Variants in ATRNL1 observed in about 807,000 individuals in gnomAD.
The protein encoded by ATRNL1 is attractin like 1, also known as attractin-like protein 1.
A neutral mutation model predicts 182.7 loss-of-function variants in ATRNL1; 95 were observed. That is an observed-to-expected ratio of 0.52 (90% CI 0.44 to 0.62). The LOEUF (loss-of-function observed/expected upper bound fraction) is 0.62. ATRNL1 is among the 20% of genes least tolerant of loss of function. The pLI is 0.00. For synonymous variants in ATRNL1, 576 were observed against 568.3 expected, an observed-to-expected ratio of 1.01 and a Z score of -0.19; for missense variants, 1,471 against 1,679.5, an observed-to-expected ratio of 0.88 and a Z score of 2.17.
intron 28 of ATRNL1, among the ~76,000 whole-genome samples, chr10:115,864,748 C>T (rs1321996358): frequency 6.6e-6 from 1 of 151,960 alleles, no homozygotes; most frequent in East Asian, 1.9e-4. Context: ...TTTGGGAGGC[C>T]GAGGTGGGCG....
chr10:115,905,371 C>G (rs1393172342), intron 28 of ATRNL1, among the ~76,000 whole-genome samples: 1 of 150,064 alleles, frequency 6.7e-6, no homozygotes, highest in East Asian at 1.9e-4. Flanking sequence ...TATGCCTATA[C>G]CACCACACCC....
intron 27 of ATRNL1, among the ~76,000 whole-genome samples, chr10:115,792,989 T>C (rs1949565696): frequency 1.3e-5 from 2 of 152,066 alleles, no homozygotes; most frequent in African/African-American, 4.8e-5. Context: ...AAGTAGTATT[T>C]GGAAGAATAC....
At chr10:115,761,687 A>G (rs1948737810) in intron 27 of ATRNL1, among the ~76,000 whole-genome samples, 1 of 152,190 alleles carries the variant, frequency 6.6e-6, no homozygotes, top group Admixed American at 6.5e-5. Flanking sequence ...GTGGTGTGTT[A>G]GAATAAACTT....
chr10:115,234,978 T>C (rs1850118986), intron 9 of ATRNL1, among the ~76,000 whole-genome samples: 1 of 152,182 alleles, frequency 6.6e-6, no homozygotes, highest in Non-Finnish European at 1.5e-5. Flanking sequence ...ACTTTTTTCC[T>C]TACTGAGTTT....
chr10:115,931,519 T>C (rs1275940716), intron 28 of ATRNL1, among the ~76,000 whole-genome samples: 1 of 152,164 alleles, frequency 6.6e-6, no homozygotes, highest in Non-Finnish European at 1.5e-5. Flanking sequence ...ATTTGAAAAC[T>C]CTTTACAGAA....
intron 1 of ATRNL1, 120 bp from the exon 2 acceptor site, chr10:115,120,065 T>G (rs1468087668): frequency 3.4e-6 from 2 of 594,562 alleles, no homozygotes; most frequent in Non-Finnish European, 5.8e-6. Flanking sequence ...TAAATCCTCC[T>G]TTTTGAAAAT....
chr10:115,917,704 C>T (rs1447974053), intron 28 of ATRNL1, among the ~76,000 whole-genome samples: 6 of 152,024 alleles, frequency 3.9e-5, no homozygotes, highest in Non-Finnish European at 5.9e-5. Context: ...GTTTACTTTT[C>T]TCAGATATTG....
chr10:115,135,614 G>A (rs1019936540), intron 5 of ATRNL1, among the ~76,000 whole-genome samples: 3 of 152,152 alleles, frequency 2.0e-5, no homozygotes, highest in African/African-American at 7.2e-5. Flanking sequence ...TACTGCCCAA[G>A]GTAATTTATA....
intron 28 of ATRNL1, among the ~76,000 whole-genome samples, chr10:115,883,130 GC>G (rs1424252851): frequency 6.6e-6 from 1 of 152,152 alleles, no homozygotes; most frequent in Non-Finnish European, 1.5e-5. Context: ...TGGTAGGAGT[GC>G]ATCTTCTGGA....
At chr10:115,743,262 T>C (rs950061225) in intron 27 of ATRNL1, among the ~76,000 whole-genome samples, 16 of 112,694 alleles carry the variant, frequency 1.4e-4, no homozygotes, top group Non-Finnish European at 2.8e-4. Flanking sequence ...AAAATACAAC[T>C]CTTCTATATA....
chr10:115,828,364 G>A (rs756755934), intron 27 of ATRNL1, among the ~76,000 whole-genome samples: 1 of 152,156 alleles, frequency 6.6e-6, no homozygotes. Flanking sequence ...CAAGCCTGAT[G>A]CAAGGCTTGG....
chr10:115,662,656 T>C (rs1860766664), intron 26 of ATRNL1, among the ~76,000 whole-genome samples: 1 of 152,164 alleles, frequency 6.6e-6, no homozygotes, highest in Non-Finnish European at 1.5e-5. Flanking sequence ...TGAATTTATA[T>C]GATATCCCTC....
At chr10:115,184,450 ATAAC>A (rs1461484062) in intron 8 of ATRNL1, among the ~76,000 whole-genome samples, 22 of 151,666 alleles carry the variant, frequency 1.5e-4, no homozygotes, top group African/African-American at 5.3e-4. Flanking sequence ...ACACAACTAT[ATAAC>A]TATGAAGTAG....
At chr10:115,895,971 G>A (rs948660376) in intron 28 of ATRNL1, among the ~76,000 whole-genome samples, 3 of 152,170 alleles carry the variant, frequency 2.0e-5, no homozygotes. Context: ...CTACCAGGTG[G>A]ATGAGGTTGC....
Position 115,100,817 on chromosome 10 carries a change from C to A in ATRNL1, c.293+6774C>A, listed in dbSNP as rs78791133. On this transcript the variant is annotated intron_variant, in intron 1 of 28. Coordinates refer to ENST00000355044, the MANE Select transcript of ATRNL1 (RefSeq NM_207303.4). ...TTGTAATTATGTTGAGTCTATAGAT[C>A]AATTTTGGGGAAAATGAATACCTTG... Among the ~76,000 whole-genome samples the A allele has an allele frequency of 8.6e-3, 1,309 of 152,254 alleles. 18 individuals are homozygous for A. The highest frequency in any genetic ancestry group is 0.028 in the African/African-American group (1,164 of 41,562).
intron 26 of ATRNL1, among the ~76,000 whole-genome samples, chr10:115,599,778 C>T (rs540020946): frequency 5.3e-5 from 8 of 152,168 alleles, no homozygotes; most frequent in South Asian, 4.2e-4. Context: ...GTCTACACTA[C>T]GAAAACTGTC....
intron 8 of ATRNL1, among the ~76,000 whole-genome samples, chr10:115,205,622 CTAT>C (rs781902490): frequency 3.0e-4 from 46 of 151,658 alleles, no homozygotes; most frequent in Non-Finnish European, 4.6e-4. Context: ...GTGATATTTA[CTAT>C]TATCTCTTTG....
At chr10:115,201,949 C>T (rs1374831708) in intron 8 of ATRNL1, among the ~76,000 whole-genome samples, 4 of 152,032 alleles carry the variant, frequency 2.6e-5, no homozygotes, top group Non-Finnish European at 2.9e-5. Flanking sequence ...TCCTTCACAT[C>T]CCTTGTAAGT....
chr10:115,920,593 C>G (rs1178262022), intron 28 of ATRNL1, among the ~76,000 whole-genome samples: 1 of 152,172 alleles, frequency 6.6e-6, no homozygotes, highest in Non-Finnish European at 1.5e-5. Flanking sequence ...TGCTAAAGGT[C>G]CCCAGGGGGA....
Sources: allele counts gnomAD v4.1 joint callset (sites outside exome capture counted in the v4.1 genomes callset), GRCh38; gene constraint gnomAD v4.1.1; transcripts MANE v1.5; gene names NCBI Gene and HGNC (gene_info 2026-07-23, HGNC 2026-07-21).